Variants in CTNNA1 observed in about 807,000 individuals in gnomAD.
CTNNA1 encodes the protein catenin alpha 1.
In CTNNA1, 37 loss-of-function variants were observed where a neutral mutation model predicts 98.4. That is an observed-to-expected ratio of 0.38 (90% CI 0.29 to 0.49). The LOEUF is 0.49. Ranked by LOEUF, CTNNA1 falls within the 20% of genes least tolerant of loss-of-function variation. The pLI is 0.95. For missense variants in CTNNA1, 761 were observed against 1,147.2 expected, an observed-to-expected ratio of 0.66 and a Z score of 4.86; for synonymous variants, 404 against 413.2, an observed-to-expected ratio of 0.98 and a Z score of 0.27.
intron 7 of CTNNA1, among the ~76,000 whole-genome samples, chr5:138,881,764 G>T (rs1000983834): frequency 6.6e-6 from 1 of 151,948 alleles, no homozygotes; most frequent in Non-Finnish European, 1.5e-5. Context: ...TTCATTGTTT[G>T]TTGTTGTTGT....
At chr5:138,856,817 C>T (rs77825560) in intron 7 of CTNNA1, among the ~76,000 whole-genome samples, 1 of 152,168 alleles carries the variant, frequency 6.6e-6, no homozygotes, top group Non-Finnish European at 1.5e-5. Context: ...GTGCCTAATT[C>T]ATGAGATGAA....
At chr5:138,882,605 A>G (rs1753163914) in intron 7 of CTNNA1, among the ~76,000 whole-genome samples, 1 of 152,222 alleles carries the variant, frequency 6.6e-6, no homozygotes, top group Non-Finnish European at 1.5e-5. Flanking sequence ...TTTAGGGACT[A>G]AAATGTGCCT....
chr5:138,877,265 A>T (rs982464191), intron 7 of CTNNA1, among the ~76,000 whole-genome samples: 16 of 152,244 alleles, frequency 1.1e-4, no homozygotes, highest in African/African-American at 3.4e-4. Flanking sequence ...GAACTTCTTA[A>T]CCTGGTTCCA....
chr5:138,849,674 C>T (rs1763021309), intron 7 of CTNNA1, among the ~76,000 whole-genome samples: 1 of 152,314 alleles, frequency 6.6e-6, no homozygotes, highest in East Asian at 1.9e-4. Flanking sequence ...TATGAACTTA[C>T]TCATTGGATT....
chr5:138,841,833 C>A (rs1020393591), intron 7 of CTNNA1, among the ~76,000 whole-genome samples: 8 of 152,214 alleles, frequency 5.3e-5, no homozygotes, highest in Admixed American at 2.6e-4. Context: ...TTATAATAAT[C>A]TACCAAGTTG....
chr5:138,819,072 G>A (rs372088059), intron 5 of CTNNA1, among the ~76,000 whole-genome samples: 1 of 150,560 alleles, frequency 6.6e-6, no homozygotes, highest in African/African-American at 2.4e-5. Context: ...TGGCGTGATT[G>A]GGAAGAAGGG....
At chr5:138,824,478 G>C in intron 5 of CTNNA1, 52 bp from the exon 6 acceptor site, 5 of 1,586,516 alleles carry the variant, frequency 3.2e-6, no homozygotes, top group Non-Finnish European at 4.3e-6. Flanking sequence ...TTTTATATGA[G>C]TAAAGCCCAT....
chr5:138,771,948 T>G (rs73790349), intron 1 of CTNNA1, among the ~76,000 whole-genome samples: 5,591 of 152,176 alleles, frequency 0.037, 273 homozygotes, highest in African/African-American at 0.12. Context: ...TGGCATTGAG[T>G]AGCATGGTTA....
chr5:138,874,098 C>T lies in CTNNA1; in HGVS notation c.1063-12114C>T. ...TGCAAGGTCTGCAGCTTCCGAAGGC[C>T]ATAGAAGAGCTCTGGGTGCAGAGAT... is the stretch of plus-strand genomic sequence containing the variant. On this transcript the variant is annotated intron_variant, in intron 7 of 17. Transcript: ENST00000302763. This position sits in a 1 kb window ranked among gnomAD's most constrained non-coding sequence, Gnocchi z 4.1. 6.2e-7 allele frequency: 1 copy of T among 1,613,784 alleles called. No homozygotes were observed. The highest frequency in any genetic ancestry group is 2.2e-5 in the East Asian group (1 of 44,886).
chr5:138,847,292 C>A (rs546940319), intron 7 of CTNNA1, among the ~76,000 whole-genome samples: 1 of 79,522 alleles, frequency 1.3e-5, no homozygotes, highest in Admixed American at 1.5e-4. Context: ...TTTTTAAAGC[C>A]GGCGTAGTCC....
chr5:138,864,039 T>G (rs1039327213), intron 7 of CTNNA1, among the ~76,000 whole-genome samples: 1 of 152,250 alleles, frequency 6.6e-6, no homozygotes, highest in Non-Finnish European at 1.5e-5. Flanking sequence ...CTTGGCTTGC[T>G]GCAGCCTCCA....
At chr5:138,812,986 C>G (rs2149738883) in intron 5 of CTNNA1, among the ~76,000 whole-genome samples, 1 of 152,374 alleles carries the variant, frequency 6.6e-6, no homozygotes, top group South Asian at 2.1e-4. Flanking sequence ...TACTTTAAAA[C>G]AAGCCCCAAG....
At chr5:138,894,796 C>CT (rs1318421669) in intron 9 of CTNNA1, among the ~76,000 whole-genome samples, 2 of 152,206 alleles carry the variant, frequency 1.3e-5, no homozygotes, top group African/African-American at 2.4e-5. Flanking sequence ...GTTTCCCTGC[C>CT]TACAACTGCC....
chr5:138,877,193 A>C (rs1484812092), intron 7 of CTNNA1, among the ~76,000 whole-genome samples: 1 of 152,044 alleles, frequency 6.6e-6, no homozygotes, highest in Non-Finnish European at 1.5e-5. Flanking sequence ...CCTGGTTTAG[A>C]CCCGGGGAAT....
At chr5:138,928,382 C>G (rs1187621788) in intron 13 of CTNNA1, among the ~76,000 whole-genome samples, 1 of 151,946 alleles carries the variant, frequency 6.6e-6, no homozygotes, top group Non-Finnish European at 1.5e-5. Context: ...CTGCCATATT[C>G]TCCCCTCTTT....
chr5:138,868,118 A>G (rs906115008), intron 7 of CTNNA1, among the ~76,000 whole-genome samples: 2 of 152,234 alleles, frequency 1.3e-5, no homozygotes, highest in Non-Finnish European at 2.9e-5. Context: ...TATCATACAT[A>G]TAACATATAA....
At chr5:138,904,254 C>G in intron 9 of CTNNA1, 95 bp from the exon 10 acceptor site, 1 of 1,416,240 alleles carries the variant, frequency 7.1e-7, no homozygotes, top group East Asian at 2.5e-5. Flanking sequence ...CCCTTGTCAT[C>G]TGTTCCAGAA....
intron 5 of CTNNA1, among the ~76,000 whole-genome samples, chr5:138,812,712 C>A (rs188613907): frequency 6.6e-6 from 1 of 152,148 alleles, no homozygotes; most frequent in Non-Finnish European, 1.5e-5. Flanking sequence ...CCACCAGCCC[C>A]GTGTCTTGTT....
At chr5:138,795,185 G>A (rs2149688818) in intron 3 of CTNNA1, among the ~76,000 whole-genome samples, 1 of 145,184 alleles carries the variant, frequency 6.9e-6, no homozygotes, top group Admixed American at 6.9e-5. Context: ...GAGCTGGCCA[G>A]TCATGGTGGC....
Sources: allele counts gnomAD v4.1 joint callset (sites outside exome capture counted in the v4.1 genomes callset), GRCh38; gene constraint gnomAD v4.1.1; non-coding constraint Gnocchi (gnomAD v3.1); transcripts MANE v1.5; gene names NCBI Gene and HGNC (gene_info 2026-07-23, HGNC 2026-07-21).